CYP2C18: variants seen among roughly 807,000 people sequenced by gnomAD.
CYP2C18 encodes cytochrome P450 family 2 subfamily C member 18, also known as cytochrome P450 2C18.
A neutral mutation model predicts 41.3 loss-of-function variants in CYP2C18; 38 were observed. The observed-to-expected ratio is 0.92, with a 90% confidence interval of 0.71 to 1.21. The LOEUF (loss-of-function observed/expected upper bound fraction) is 1.21, where lower values mean the gene tolerates loss of function less well. Ranked by LOEUF, CYP2C18 falls within the 50% of genes most tolerant of loss-of-function variation. The probability of loss-of-function intolerance (pLI) is 0.00; values close to 1 mark genes in which losing one functional copy is unlikely to be tolerated. For missense variants in CYP2C18, 635 were observed against 591.4 expected (o/e 1.07, Z -0.77); for synonymous variants, 236 against 210.0 (o/e 1.12, Z -1.07).
chr10:94,687,186 C>G (rs1050531337), intron 1 of CYP2C18, among the ~76,000 whole-genome samples: 7 of 152,132 alleles, frequency 4.6e-5, no homozygotes, highest in African/African-American at 1.7e-4. Flanking sequence ...CTGTTGGATC[C>G]ACTCTCCTTC....
At chr10:94,726,977 A>G (rs1286810920) in intron 7 of CYP2C18, among the ~76,000 whole-genome samples, 1 of 152,182 alleles carries the variant, frequency 6.6e-6, no homozygotes, top group Non-Finnish European at 1.5e-5. Flanking sequence ...GTATTGTGCC[A>G]TATGGAATCC....
At chr10:94,708,561 C>G (rs578103854) in intron 5 of CYP2C18, among the ~76,000 whole-genome samples, 89 of 152,226 alleles carry the variant, frequency 5.8e-4, no homozygotes, top group Non-Finnish European at 9.3e-4. Context: ...TAGAATCTAG[C>G]TTATTTTATT....
intron 5 of CYP2C18, among the ~76,000 whole-genome samples, chr10:94,710,080 C>T (rs986820665): frequency 6.6e-6 from 1 of 152,118 alleles, no homozygotes; most frequent in Non-Finnish European, 1.5e-5. Context: ...GGTGATTCTC[C>T]CACCTCAGCC....
rs145173626 is a variant in CYP2C18, at chr10:94,724,432, G to C, written c.1048G>C (p.Ala350Pro). 27 of 1,613,468 alleles carry C rather than the reference G, an allele frequency of 1.7e-5. No individual in the cohort carries two copies. In the African/African-American group the frequency reaches 3.5e-4, roughly 21 times the overall value. Residue 350 changes from alanine (A) to proline (P), a missense_variant, in exon 7 of 9, where the codon GCT (alanine) becomes CCT (proline). Coordinates refer to ENST00000285979, the MANE Select transcript of CYP2C18 (RefSeq NM_000772.3). ...CAGGAGTCACATGCCCTACACAGAT[G>C]CTGTGGTGCACGAGATCCAGAGATA... ...QDRSHMPYTD[A>P]VVHEIQRYID...
At chr10:94,724,575 G>T (rs1458465929) in intron 7 of CYP2C18, 42 bp downstream of exon 7, 16 of 1,560,640 alleles carry the variant, frequency 1.0e-5, no homozygotes, top group Non-Finnish European at 1.4e-5. Flanking sequence ...TGCTCTTCAA[G>T]TCCCCAAATT....
chr10:94,712,158 ATTT>A (rs201742942), intron 5 of CYP2C18, among the ~76,000 whole-genome samples: 4 of 142,358 alleles, frequency 2.8e-5, no homozygotes, highest in African/African-American at 1.0e-4. Flanking sequence ...TCTTTTTCCA[ATTT>A]TTTTTTTTTT....
rs951644981 is a variant in CYP2C18, at chr10:94,687,937, A to G, written c.331+5A>G. 1.2e-6 allele frequency: 2 copies of G among 1,613,076 alleles called. No individual in the cohort carries two copies. Among genetic ancestry groups the G allele is most frequent in the African/African-American group, 1.3e-5 (1 of 74,866 alleles). ...AAAAAGTTAACAAAGGACTTGGTAA[A>G]TGTGCATGTATCGTGTGTATGTGTA... is the stretch of plus-strand genomic sequence containing the variant. On this transcript the variant is annotated splice_donor_5th_base_variant and intron_variant, in intron 2 of 8. Coordinates refer to ENST00000285979, the MANE Select transcript of CYP2C18 (RefSeq NM_000772.3).
chr10:94,732,111 G>A (rs1018234691), intron 7 of CYP2C18, among the ~76,000 whole-genome samples: 1 of 151,942 alleles, frequency 6.6e-6, no homozygotes. Flanking sequence ...ATCCTATAAG[G>A]TAATTAAACA....
intron 5 of CYP2C18, among the ~76,000 whole-genome samples, chr10:94,712,028 T>G (rs1044013486): frequency 8.1e-6 from 1 of 123,548 alleles, no homozygotes; most frequent in African/African-American, 2.7e-5. Context: ...TTTTTTTTTT[T>G]GTAGAGATAG....
intron 4 of CYP2C18, among the ~76,000 whole-genome samples, chr10:94,701,559 G>C (rs538259638): frequency 1.3e-5 from 2 of 152,260 alleles, no homozygotes; most frequent in East Asian, 3.9e-4. Context: ...CATGGCACAT[G>C]TATACATATG....
intron 4 of CYP2C18, among the ~76,000 whole-genome samples, chr10:94,705,057 G>T: frequency 6.6e-6 from 1 of 152,130 alleles, no homozygotes; most frequent in Non-Finnish European, 1.5e-5. Context: ...ATAGGAACCA[G>T]GGCCTTCCAC....
At chr10:94,729,504 C>G (rs562086596) in intron 7 of CYP2C18, among the ~76,000 whole-genome samples, 17 of 152,198 alleles carry the variant, frequency 1.1e-4, no homozygotes, top group Non-Finnish European at 2.1e-4. Flanking sequence ...ACAAAATTTT[C>G]TGCTTCTCCT....
At chr10:94,716,114 T>A (rs1847537765) in intron 5 of CYP2C18, among the ~76,000 whole-genome samples, 1 of 152,224 alleles carries the variant, frequency 6.6e-6, no homozygotes, top group East Asian at 1.9e-4. Context: ...ATCAATTTTG[T>A]TGATCTTTTC....
chr10:94,709,829 C>A (rs989091235), intron 5 of CYP2C18, among the ~76,000 whole-genome samples: 32 of 152,112 alleles, frequency 2.1e-4, no homozygotes, highest in Non-Finnish European at 4.3e-4. Flanking sequence ...ATTCAGTTGT[C>A]CTAGTACCAT....
intron 7 of CYP2C18, among the ~76,000 whole-genome samples, chr10:94,725,496 G>T (rs546534705): frequency 3.8e-4 from 58 of 151,948 alleles, no homozygotes; most frequent in African/African-American, 1.3e-3. Context: ...GGATTTCCAG[G>T]ACAGCGTTGA....
chr10:94,725,203 T>A (rs1409988229), intron 7 of CYP2C18, among the ~76,000 whole-genome samples: 2 of 151,082 alleles, frequency 1.3e-5, no homozygotes, highest in Non-Finnish European at 3.0e-5. Context: ...TCCTCCTGAG[T>A]AGCTGGGATT....
chr10:94,726,751 C>G (rs966559278), intron 7 of CYP2C18, among the ~76,000 whole-genome samples: 1 of 152,084 alleles, frequency 6.6e-6, no homozygotes, highest in African/African-American at 2.4e-5. Flanking sequence ...GTCTCAACAT[C>G]TTTTCCAGTG....
At chr10:94,684,099 G>A in intron 1 of CYP2C18, 112 bp downstream of exon 1, 2 of 705,842 alleles carry the variant, frequency 2.8e-6, no homozygotes, top group Non-Finnish European at 4.3e-6. Flanking sequence ...TATTAATGGG[G>A]TACAATATTA....
intron 5 of CYP2C18, among the ~76,000 whole-genome samples, chr10:94,708,714 A>G (rs1847384434): frequency 6.6e-6 from 1 of 152,236 alleles, no homozygotes; most frequent in Non-Finnish European, 1.5e-5. Context: ...TCCTGAAAAG[A>G]CAACCATATG....
Sources: allele counts gnomAD v4.1 joint callset (sites outside exome capture counted in the v4.1 genomes callset), GRCh38; gene constraint gnomAD v4.1.1; transcripts MANE v1.5; gene names NCBI Gene and HGNC (gene_info 2026-07-23, HGNC 2026-07-21).